Variants in FARS2 observed in about 807,000 individuals in gnomAD.
FARS2 encodes phenylalanine--tRNA ligase, mitochondrial.
FARS2 carries 40 observed loss-of-function variants against 46.4 expected under a neutral mutation model. The observed-to-expected ratio is 0.86, with a 90% CI of 0.67 to 1.12. The LOEUF is 1.12. Ranked by LOEUF, FARS2 falls within the 50% of genes most tolerant of loss-of-function variation. The pLI is 0.00. For synonymous variants in FARS2, 234 were observed against 214.9 expected, an observed-to-expected ratio of 1.09 and a Z score of -0.78; for missense variants, 513 against 567.9, an observed-to-expected ratio of 0.90 and a Z score of 0.98.
chr6:5,446,342 G>C (rs987322809), intron 4 of FARS2, among the ~76,000 whole-genome samples: 1 of 152,054 alleles, frequency 6.6e-6, no homozygotes, highest in Non-Finnish European at 1.5e-5. Context: ...GGAAACCAAG[G>C]GTTTGTGGGC....
intron 6 of FARS2, among the ~76,000 whole-genome samples, chr6:5,721,432 G>A (rs1759899904): frequency 6.6e-6 from 1 of 152,204 alleles, no homozygotes; most frequent in Non-Finnish European, 1.5e-5. Context: ...GTTGCATTGT[G>A]AAATCTGAAA....
At chr6:5,546,761 A>G (rs1771051017) in intron 5 of FARS2, among the ~76,000 whole-genome samples, 2 of 150,900 alleles carry the variant, frequency 1.3e-5, no homozygotes, top group Non-Finnish European at 2.9e-5. Context: ...TTGTCCAAGT[A>G]ACCATTAAGC....
chr6:5,753,389 C>T (rs1762052388), intron 6 of FARS2, among the ~76,000 whole-genome samples: 1 of 152,170 alleles, frequency 6.6e-6, no homozygotes, highest in Non-Finnish European at 1.5e-5. Context: ...TGCCTGCCAA[C>T]AAGATATTAG....
At chr6:5,331,484 C>T (rs1427033028) in intron 1 of FARS2, among the ~76,000 whole-genome samples, 1 of 152,178 alleles carries the variant, frequency 6.6e-6, no homozygotes, top group African/African-American at 2.4e-5. Flanking sequence ...TTTCTCCTAT[C>T]TGATCACATA....
At chr6:5,342,924 C>A (rs72815644) in intron 1 of FARS2, among the ~76,000 whole-genome samples, 303 of 152,120 alleles carry the variant, frequency 2.0e-3, no homozygotes, top group Non-Finnish European at 3.4e-3. Flanking sequence ...ATCAGAATAT[C>A]CTGGGAACTC....
intron 4 of FARS2, among the ~76,000 whole-genome samples, chr6:5,509,933 T>A (rs1182960227): frequency 6.6e-6 from 1 of 152,196 alleles, no homozygotes. Flanking sequence ...TGTCGCCCAA[T>A]TTTGTTTTCT....
intron 5 of FARS2, among the ~76,000 whole-genome samples, chr6:5,578,821 A>C (rs1437949303): frequency 5.4e-5 from 3 of 55,900 alleles, no homozygotes; most frequent in South Asian, 8.7e-4. Context: ...AAAAAAAAAA[A>C]AAAAAAAAAA....
Position 5,771,433 on chromosome 6 carries a change from C to T in FARS2, c.*4C>T, listed in dbSNP as rs200232967. ...GGGTGTGGAGGGCAGGTTCTGATGT[C>T]ACCACTTCACTCAGGCTGCAGCCCT... On this transcript the variant is annotated 3_prime_UTR_variant, in exon 7 of 7. Coordinates refer to ENST00000274680, the MANE Select transcript of FARS2 (RefSeq NM_006567.5). The T allele has an allele frequency of 8.8e-5, 141 of 1,609,984 alleles. No homozygotes were observed. The highest frequency in any genetic ancestry group is 1.4e-5 in the Non-Finnish European group (16 of 1,178,814).
intron 1 of FARS2, among the ~76,000 whole-genome samples, chr6:5,317,791 A>T (rs575190987): frequency 2.0e-5 from 3 of 152,128 alleles, no homozygotes; most frequent in Admixed American, 2.0e-4. Context: ...AAAAAAAAAA[A>T]AGGAAAAATT....
intron 4 of FARS2, among the ~76,000 whole-genome samples, chr6:5,483,669 AAAATAAAT>A (rs142275390): frequency 7.2e-5 from 11 of 151,960 alleles, no homozygotes; most frequent in African/African-American, 2.7e-4. Context: ...TCTGTCTCAA[AAAATAAAT>A]AAATAAATAA....
chr6:5,479,808 A>G (rs1766339439), intron 4 of FARS2, among the ~76,000 whole-genome samples: 1 of 152,230 alleles, frequency 6.6e-6, no homozygotes, highest in South Asian at 2.1e-4. Context: ...ACAACTTTAA[A>G]GCAGTTAAGC....
In FARS2 at chr6:5,373,798, G is replaced by C. The variant is rs186258670; in HGVS notation, c.612+4616G>C. 3.1e-3 allele frequency among the ~76,000 whole-genome samples: 470 copies of C among 151,868 alleles called. 2 individuals carry two copies. The highest frequency in any genetic ancestry group is 0.011 in the African/African-American group (450 of 41,444). On this transcript the variant is annotated intron_variant, in intron 2 of 6. Coordinates refer to ENST00000274680, the MANE Select transcript of FARS2 (RefSeq NM_006567.5). ...ATGGCTTGAGAAGCGCTGCTCTATG[G>C]GATAAAGGACCCAATTTCTTCAAAT... is the stretch of plus-strand genomic sequence containing the variant.
At chr6:5,365,981 C>T (rs1581895725) in intron 1 of FARS2, among the ~76,000 whole-genome samples, 1 of 152,022 alleles carries the variant, frequency 6.6e-6, no homozygotes, top group Non-Finnish European at 1.5e-5. Flanking sequence ...GTTGGTCTTG[C>T]CTTCTCAGGG....
intron 3 of FARS2, among the ~76,000 whole-genome samples, chr6:5,408,438 A>G (rs1241113227): frequency 6.6e-6 from 1 of 152,232 alleles, no homozygotes; most frequent in Non-Finnish European, 1.5e-5. Flanking sequence ...GAAGGAAAGA[A>G]GAGGCAAGGG....
intron 6 of FARS2, among the ~76,000 whole-genome samples, chr6:5,670,568 TATC>T (rs1410086609): frequency 6.6e-6 from 1 of 152,192 alleles, no homozygotes; most frequent in Non-Finnish European, 1.5e-5. Flanking sequence ...AAATGTAGAA[TATC>T]ATAATATTTT....
At chr6:5,621,169 G>A (rs1310560659) in intron 6 of FARS2, among the ~76,000 whole-genome samples, 1 of 152,034 alleles carries the variant, frequency 6.6e-6, no homozygotes, top group Non-Finnish European at 1.5e-5. Flanking sequence ...CCAGGCTGGA[G>A]TGCAACTCCT....
At chr6:5,539,276 G>A (rs1470106071) in intron 4 of FARS2, among the ~76,000 whole-genome samples, 3 of 149,788 alleles carry the variant, frequency 2.0e-5, no homozygotes, top group Non-Finnish European at 3.0e-5. Flanking sequence ...GCACGATCTC[G>A]GCTCACTGCA....
At chr6:5,499,436 G>C (rs1767664351) in intron 4 of FARS2, among the ~76,000 whole-genome samples, 1 of 152,200 alleles carries the variant, frequency 6.6e-6, no homozygotes, top group Admixed American at 6.5e-5. Flanking sequence ...GCAATGAAAA[G>C]GAAAGAATGG....
At chr6:5,680,235 C>T (rs868857591) in intron 6 of FARS2, among the ~76,000 whole-genome samples, 100 of 152,292 alleles carry the variant, frequency 6.6e-4, no homozygotes, top group African/African-American at 2.0e-3. Flanking sequence ...AGTTGTACTT[C>T]AGTGAAGGTG....
Sources: allele counts gnomAD v4.1 joint callset (sites outside exome capture counted in the v4.1 genomes callset), GRCh38; gene constraint gnomAD v4.1.1; transcripts MANE v1.5; gene names NCBI Gene and HGNC (gene_info 2026-07-23, HGNC 2026-07-21).